PCDHGA9: variants seen among roughly 807,000 people sequenced by gnomAD.
PCDHGA9 encodes the protein protocadherin gamma subfamily A, 9.
PCDHGA9 carries 37 observed loss-of-function variants against 62.5 expected under a neutral mutation model. That is an observed-to-expected ratio of 0.59 (90% CI 0.46 to 0.78). The LOEUF (loss-of-function observed/expected upper bound fraction) is 0.78, where lower values mean the gene tolerates loss of function less well. Ranked by LOEUF, PCDHGA9 falls within the 30% of genes least tolerant of loss-of-function variation. PCDHGA9 has a pLI of 0.00. For missense variants in PCDHGA9, 1,138 were observed against 1,166.2 expected (o/e 0.98, Z 0.35); for synonymous variants, 459 against 484.6 (o/e 0.95, Z 0.69).
intron 2 of PCDHGA9, among the ~76,000 whole-genome samples, chr5:141,501,236 G>T (rs571684337): frequency 5.5e-4 from 83 of 150,782 alleles, no homozygotes; most frequent in African/African-American, 2.0e-3. Context: ...TCAGTTTTTT[G>T]AGCATGATGT....
At chr5:141,420,314 A>C (rs1454977890) in intron 1 of PCDHGA9, 1 of 1,442,690 alleles carries the variant, frequency 6.9e-7, no homozygotes. Flanking sequence ...TTTATATTAC[A>C]ATATGCCAAT....
At chr5:141,473,902 G>C (rs1593464039) in intron 1 of PCDHGA9, among the ~76,000 whole-genome samples, 1 of 152,240 alleles carries the variant, frequency 6.6e-6, no homozygotes, top group South Asian at 2.1e-4. Context: ...GGTTCATGAA[G>C]AGGTCTTAAG....
intron 1 of PCDHGA9, among the ~76,000 whole-genome samples, chr5:141,488,554 T>C (rs1313975033): frequency 6.6e-6 from 1 of 152,064 alleles, no homozygotes; most frequent in African/African-American, 2.4e-5. Context: ...CAGCTGACAT[T>C]GAGATTTCCG....
rs182682202 is a variant in PCDHGA9 at position 141,445,418 on chromosome 5, T to A, written c.2424+40042T>A. Among the ~76,000 whole-genome samples the A allele has an allele frequency of 2.2e-3, 335 of 152,310 alleles. 1 individual carries two copies. Among genetic ancestry groups the A allele is most frequent in the Middle Eastern group, 0.01 (3 of 294 alleles). Reference sequence around the variant, plus strand: ...ACAAATATTTATTAACTGTCTGCTATATGCAAGGCACTGACCTATGGACTA... The same window carrying A: ...ACAAATATTTATTAACTGTCTGCTAAATGCAAGGCACTGACCTATGGACTA... On this transcript the variant is annotated intron_variant, in intron 1 of 3. Transcript: ENST00000573521.
At chr5:141,419,184 T>A in intron 1 of PCDHGA9, 1 of 1,613,938 alleles carries the variant, frequency 6.2e-7, no homozygotes, top group Non-Finnish European at 8.5e-7. Context: ...ACCCTGCACA[T>A]TACTGACGTC....
rs766227340 is a variant in PCDHGA9, at chr5:141,476,791, C to T, written c.2425-18016C>T. On this transcript the variant is annotated intron_variant, in intron 1 of 3. Transcript: ENST00000573521. The surrounding 1 kb of genome is among the most constrained non-coding windows in gnomAD (Gnocchi z 7.6). ...TGGACGGAGGGACCCCAGCTCTCTCCGCCAGCCTGCCTATTCACATCAAGG... is the reference window on the plus strand; with the variant it reads ...TGGACGGAGGGACCCCAGCTCTCTCTGCCAGCCTGCCTATTCACATCAAGG... 5.6e-6 allele frequency: 9 copies of T among 1,613,394 alleles called. No homozygotes were observed. Among genetic ancestry groups the T allele is most frequent in the Middle Eastern group, 1.6e-4 (1 of 6,084 alleles).
intron 1 of PCDHGA9, chr5:141,414,540 C>A (rs1158346953): frequency 1.2e-5 from 19 of 1,613,948 alleles, no homozygotes; most frequent in Non-Finnish European, 1.5e-5. Context: ...ACCCACCTAC[C>A]TTCTCTCAAG....
At chr5:141,415,002 C>T in intron 1 of PCDHGA9, 2 of 1,613,668 alleles carry the variant, frequency 1.2e-6, no homozygotes, top group East Asian at 2.2e-5. Flanking sequence ...CCTGGCTGTC[C>T]TACCGTCTGC....
In PCDHGA9 at chr5:141,406,055, T is replaced by C. The variant is rs2094752189; in HGVS notation, c.2424+679T>C. 5.3e-5 allele frequency among the ~76,000 whole-genome samples: 8 copies of C among 150,380 alleles called. No individual in the cohort carries two copies. In the South Asian group the frequency reaches 1.5e-3, roughly 28 times the overall value. On this transcript the variant is annotated intron_variant, in intron 1 of 3. Transcript: ENST00000573521. ...CTTCATTGGTTGCAGTGGACTCATA[T>C]CATAAAATTCTTACTCCTTTTTTTT...
At chr5:141,408,971 C>G (rs763728764) in intron 1 of PCDHGA9, 4 of 1,613,698 alleles carry the variant, frequency 2.5e-6, no homozygotes, top group Non-Finnish European at 3.4e-6. Flanking sequence ...AAATCTGCCC[C>G]CTGGGTCCCC....
At chr5:141,415,151 C>G in intron 1 of PCDHGA9, 2 of 1,613,814 alleles carry the variant, frequency 1.2e-6, no homozygotes, top group Non-Finnish European at 1.7e-6. Flanking sequence ...CCCCCTCTCT[C>G]CGCCACTGTC....
Position 141,431,473 on chromosome 5 carries a change from C to G in PCDHGA9, c.2424+26097C>G, listed in dbSNP as rs750300971. ...TGATGGTTCTGGATGCGAACGACAA[C>G]GCACCAGCGTTTGCTCAGCCCGAGT... On this transcript the variant is annotated intron_variant, in intron 1 of 3. Coordinates refer to ENST00000573521, the MANE Select transcript of PCDHGA9 (RefSeq NM_018921.3). This position sits in a 1 kb window ranked among gnomAD's most constrained non-coding sequence, Gnocchi z 4.8. 5.0e-6 allele frequency: 8 copies of G among 1,613,832 alleles called. No homozygotes were observed. The highest frequency in any genetic ancestry group is 1.7e-5 in the Admixed American group (1 of 60,026).
chr5:141,422,253 T>C (rs917280432), intron 1 of PCDHGA9: 58 of 1,566,438 alleles, frequency 3.7e-5, no homozygotes, highest in Non-Finnish European at 5.0e-5. Context: ...TGGATGTGAA[T>C]GATAACGCTC....
At chr5:141,458,728 T>A (rs1010109573) in intron 1 of PCDHGA9, among the ~76,000 whole-genome samples, 1 of 151,870 alleles carries the variant, frequency 6.6e-6, no homozygotes, top group Non-Finnish European at 1.5e-5. Context: ...CGCCACCACA[T>A]CCAGCTATTG....
At chr5:141,508,682 C>G (rs2099870913) in intron 3 of PCDHGA9, among the ~76,000 whole-genome samples, 1 of 152,080 alleles carries the variant, frequency 6.6e-6, no homozygotes, top group Non-Finnish European at 1.5e-5. Context: ...TCCCTTCTCC[C>G]TGCTTCTCCG....
intron 2 of PCDHGA9, 47 bp from the exon 3 acceptor site, chr5:141,505,346 C>G: frequency 4.3e-6 from 7 of 1,612,970 alleles, no homozygotes; most frequent in Non-Finnish European, 5.9e-6. Context: ...GGGGCATGAG[C>G]TGTGCCGGCC....
intron 1 of PCDHGA9, chr5:141,418,790 G>A (rs1434374059): frequency 2.5e-6 from 4 of 1,613,758 alleles, no homozygotes; most frequent in Admixed American, 3.3e-5. Flanking sequence ...GGATTTTGAA[G>A]AAGTAGAAAG....
At position 141,405,256 on chromosome 5, in the gene PCDHGA9, G is replaced by GATGTGATGCTCT. The variant is rs1316160577; in HGVS notation, c.2306_2307insGTGATGCTCTAT (p.Leu768_Ile769insMetTer). On this transcript the variant is annotated stop_gained and inframe_insertion, in exon 1 of 4. Transcript: ENST00000573521. LOFTEE classifies it high-confidence loss of function. ...CCGCTGACTCAAGGAAGAGTCACCT[G>GATGTGATGCTCT]ATCTTCCCCCAGCCCAACTATGCAG... 2 of 1,614,050 alleles carry GATGTGATGCTCT rather than the reference G, an allele frequency of 1.2e-6. No individual in the cohort carries two copies. The highest frequency in any genetic ancestry group is 1.7e-6 in the Non-Finnish European group (2 of 1,179,980).
At position 141,477,458 on chromosome 5, in the gene PCDHGA9, T is replaced by C; in HGVS notation, c.2425-17349T>C. 6.2e-7 allele frequency: 1 copy of C among 1,614,126 alleles called. No homozygotes were observed. The highest frequency in any genetic ancestry group is 8.5e-7 in the Non-Finnish European group (1 of 1,180,022). ...CCTTACAATAGTGCGTGTTCAAGTG[T>C]CCGACATCAATGACAACCCTCCACA... On this transcript the variant is annotated intron_variant, in intron 1 of 3. Transcript: ENST00000573521. This position sits in a 1 kb window ranked among gnomAD's most constrained non-coding sequence, Gnocchi z 4.9.
Sources: gnomAD v4.1 joint callset for allele counts (sites outside exome capture counted in the v4.1 genomes callset) on GRCh38, gnomAD v4.1.1 for gene constraint, Gnocchi (gnomAD v3.1) non-coding constraint, MANE v1.5 for transcripts, NCBI Gene and HGNC (gene_info 2026-07-23, HGNC 2026-07-21) for gene names.